Variants in VAV1 observed in about 807,000 individuals in gnomAD.
The protein encoded by VAV1 is vav guanine nucleotide exchange factor 1.
VAV1 carries 33 observed loss-of-function variants against 128.1 expected under a neutral mutation model. That is an observed-to-expected ratio of 0.26 (90% CI 0.20 to 0.34). The LOEUF (loss-of-function observed/expected upper bound fraction) is 0.34, where lower values mean the gene tolerates loss of function less well. VAV1 is among the 10% of genes least tolerant of loss of function. The probability of loss-of-function intolerance (pLI) is 1.00; values close to 1 mark genes in which losing one functional copy is unlikely to be tolerated. For synonymous variants in VAV1, 394 were observed against 409.8 expected, an observed-to-expected ratio of 0.96 and a Z score of 0.47; for missense variants, 715 against 1,093.7, an observed-to-expected ratio of 0.65 and a Z score of 4.88.
chr19:6,773,148 C>T, intron 1 of VAV1, 137 bp downstream of exon 1: 1 of 1,186,092 alleles, frequency 8.4e-7, no homozygotes. Context: ...CCAGGGCTGG[C>T]CCAGGGGGTG....
intron 21 of VAV1, among the ~76,000 whole-genome samples, chr19:6,838,329 A>G (rs1235673979): frequency 6.7e-6 from 1 of 149,196 alleles, no homozygotes; most frequent in Admixed American, 6.7e-5. Flanking sequence ...CTATCTATCT[A>G]TCTATATGTC....
intron 21 of VAV1, among the ~76,000 whole-genome samples, chr19:6,838,458 C>T (rs192630815): frequency 6.6e-6 from 1 of 152,012 alleles, no homozygotes; most frequent in East Asian, 1.9e-4. Flanking sequence ...ATCTACTTAT[C>T]AATACATTCA....
chr19:6,841,576 G>A (rs1972378791), intron 21 of VAV1, among the ~76,000 whole-genome samples: 1 of 150,810 alleles, frequency 6.6e-6, no homozygotes, highest in Admixed American at 6.7e-5. Context: ...CCAGGTTCAA[G>A]CAATTCTCCT....
intron 1 of VAV1, among the ~76,000 whole-genome samples, chr19:6,776,264 T>TC (rs1970625679): frequency 1.1e-5 from 1 of 87,454 alleles, no homozygotes; most frequent in Non-Finnish European, 2.4e-5. Flanking sequence ...ATCCATCTGC[T>TC]CATCCATTCA....
At chr19:6,814,656 C>CT (rs1422738074) in intron 1 of VAV1, among the ~76,000 whole-genome samples, 127 of 63,378 alleles carry the variant, frequency 2.0e-3, no homozygotes, top group African/African-American at 7.4e-3. Context: ...TCCTTCCTTC[C>CT]TTCCTTCCTT....
intron 1 of VAV1, among the ~76,000 whole-genome samples, chr19:6,818,842 G>A (rs889439839): frequency 1.3e-5 from 2 of 152,148 alleles, no homozygotes; most frequent in Middle Eastern, 3.2e-3. Flanking sequence ...CTGGCCGGGC[G>A]TGGTGGCTCA....
At chr19:6,832,505 CCTTTCCTCCTCCT>C (rs954800693) in intron 15 of VAV1, among the ~76,000 whole-genome samples, 12 of 150,464 alleles carry the variant, frequency 8.0e-5, no homozygotes, top group South Asian at 2.1e-4. Flanking sequence ...TTCTCCTTCT[CCTTTCCTCCTCCT>C]CTTTCCTCCT....
chr19:6,846,527 G>T lies in VAV1; in HGVS notation c.2013-1471G>T, dbSNP rs146801322. ...TGCTTGAACCCAGGAGGCAGAGGTTGCAGTGAGCCAAGACAGAGCGAGGCA... is the reference window on the plus strand; with the variant it reads ...TGCTTGAACCCAGGAGGCAGAGGTTTCAGTGAGCCAAGACAGAGCGAGGCA... On this transcript the variant is annotated intron_variant, in intron 22 of 26. Transcript: ENST00000602142. Among the ~76,000 whole-genome samples the T allele has an allele frequency of 1.5e-3, 221 of 151,064 alleles. 1 individual carries two copies. The highest frequency in any genetic ancestry group is 5.1e-3 in the African/African-American group (211 of 41,290).
intron 21 of VAV1, among the ~76,000 whole-genome samples, chr19:6,838,722 T>C (rs766968161): frequency 1.3e-5 from 2 of 152,068 alleles, no homozygotes. Flanking sequence ...CTATTCTATC[T>C]ATCTATCTCT....
Position 6,837,060 on chromosome 19 carries a change from T to C in VAV1, c.1980+10T>C. 2 of 1,613,786 alleles carry C rather than the reference T, an allele frequency of 1.2e-6. No individual in the cohort carries two copies. Among genetic ancestry groups the C allele is most frequent in the Non-Finnish European group, 1.7e-6 (2 of 1,179,768 alleles). On this transcript the variant is annotated intron_variant, in intron 21 of 26. Transcript: ENST00000602142. ...GAAGCCCTATGTCCATGTGAGTGCC[T>C]CAAGTCTGAATGGAATAAGGGCAAG...
chr19:6,833,054 C>A lies in VAV1; in HGVS notation c.1509-130C>A, dbSNP rs979293076. On this transcript the variant is annotated intron_variant, in intron 15 of 26. Transcript: ENST00000602142. ...AGTGTGGCCAAAGGGTGAAAACGAC[C>A]CAAAAGCCAATCAATGAATGAGTGG... 12 of 791,632 alleles carry A rather than the reference C, an allele frequency of 1.5e-5. No individual in the cohort carries two copies. In the African/African-American group the frequency reaches 1.6e-4, roughly 10 times the overall value. The allele number at this position is 791,632 out of a possible 1,614,324, so 49.0% of individuals were successfully genotyped here.
intron 21 of VAV1, among the ~76,000 whole-genome samples, chr19:6,842,404 C>T (rs1309690988): frequency 1.3e-5 from 2 of 152,176 alleles, no homozygotes; most frequent in African/African-American, 2.4e-5. Context: ...TCAGCTCCGC[C>T]CCTGTAGTGC....
chr19:6,820,625 A>T lies in VAV1; in HGVS notation c.205-77A>T. On this transcript the variant is annotated intron_variant, in intron 1 of 26. Transcript: ENST00000602142. The surrounding 1 kb of genome is among the most constrained non-coding windows in gnomAD (Gnocchi z 4.4). ...TCATTTCCCCTCCACACCAGTCCCC[A>T]AGCTAGGTGGCCTGGGGGTCAGTTT... 1 of 1,192,330 alleles carries T rather than the reference A, an allele frequency of 8.4e-7. No individual in the cohort carries two copies. Among genetic ancestry groups the T allele is most frequent in the Non-Finnish European group, 1.2e-6 (1 of 800,526 alleles). 73.9% of individuals were successfully genotyped at this position (1,192,330 alleles called of 1,614,324 possible).
chr19:6,843,312 C>T, intron 22 of VAV1, 146 bp downstream of exon 22: 1 of 924,638 alleles, frequency 1.1e-6, no homozygotes, highest in African/African-American at 1.6e-5. Context: ...GGGCTGGGGG[C>T]TGCTGGGGAT....
At chr19:6,783,470 C>CTTTT (rs61101390) in intron 1 of VAV1, among the ~76,000 whole-genome samples, 17,046 of 113,248 alleles carry the variant, frequency 0.15, 1,229 homozygotes, top group African/African-American at 0.18. Flanking sequence ...CACCTCCATC[C>CTTTT]TTTTTTTTTT....
At chr19:6,810,608 G>A (rs1481212967) in intron 1 of VAV1, among the ~76,000 whole-genome samples, 1 of 152,164 alleles carries the variant, frequency 6.6e-6, no homozygotes, top group Non-Finnish European at 1.5e-5. Flanking sequence ...AGGAGGCTGA[G>A]GCTGGAGAAT....
intron 1 of VAV1, among the ~76,000 whole-genome samples, chr19:6,808,338 A>C (rs1971441902): frequency 6.6e-6 from 1 of 152,014 alleles, no homozygotes; most frequent in Non-Finnish European, 1.5e-5. Flanking sequence ...AAAAAACCCC[A>C]ACCAATTCTC....
chr19:6,852,634 T>C (rs1423708537), intron 24 of VAV1, among the ~76,000 whole-genome samples: 5 of 150,468 alleles, frequency 3.3e-5, no homozygotes, highest in Non-Finnish European at 5.9e-5. Context: ...GGCAGGAGAA[T>C]GGCATGAACC....
intron 1 of VAV1, among the ~76,000 whole-genome samples, chr19:6,818,362 G>A (rs1390391792): frequency 2.6e-5 from 4 of 152,196 alleles, no homozygotes; most frequent in Non-Finnish European, 5.9e-5. Flanking sequence ...TTAAACAGCA[G>A]AAATTTATCT....
Sources: allele counts gnomAD v4.1 joint callset (sites outside exome capture counted in the v4.1 genomes callset), GRCh38; gene constraint gnomAD v4.1.1; non-coding constraint Gnocchi (gnomAD v3.1); transcripts MANE v1.5; gene names NCBI Gene and HGNC (gene_info 2026-07-23, HGNC 2026-07-21).